The following PCDHGA6 variants were observed in gnomAD, a reference collection of about 807,000 sequenced individuals.
The protein encoded by PCDHGA6 is protocadherin gamma-A6.
In PCDHGA6, 41 loss-of-function variants were observed where a neutral mutation model predicts 60.6. The ratio of observed to expected loss-of-function variants is 0.68; its 90% CI spans 0.53 to 0.88. PCDHGA6 has a LOEUF of 0.88. Among genes scored for constraint, PCDHGA6 ranks in the 40% least tolerant of loss-of-function variants. PCDHGA6 has a pLI of 0.00. For synonymous variants in PCDHGA6, 594 were observed against 524.4 expected, an observed-to-expected ratio of 1.13 and a Z score of -1.81; for missense variants, 1,312 against 1,203.0, an observed-to-expected ratio of 1.09 and a Z score of -1.34.
At chr5:141,388,376 C>T in intron 1 of PCDHGA6, 3 of 1,613,944 alleles carry the variant, frequency 1.9e-6, no homozygotes, top group Non-Finnish European at 2.5e-6. Context: ...ATATTGGTAG[C>T]AACACACTGC....
intron 1 of PCDHGA6, chr5:141,389,283 GC>G (rs775524674): frequency 6.2e-7 from 1 of 1,614,022 alleles, no homozygotes; most frequent in South Asian, 1.1e-5. Context: ...CCCGCCTGGA[GC>G]CTCTATTTCA....
At chr5:141,409,972 G>A in intron 1 of PCDHGA6, 1 of 1,613,374 alleles carries the variant, frequency 6.2e-7, no homozygotes, top group South Asian at 1.1e-5. Context: ...TAGTGACTAA[G>A]GTGGTAGCGG....
At chr5:141,478,467 G>T (rs2099457769) in intron 1 of PCDHGA6, 1 of 1,613,656 alleles carries the variant, frequency 6.2e-7, no homozygotes, top group South Asian at 1.1e-5. Flanking sequence ...CCACTGGCCA[G>T]CCGCCAGAAC....
In PCDHGA6 at chr5:141,511,131, C is replaced by T; in HGVS notation, c.2757C>T (p.Gly919=). ...GGGATGGCAAGGCCCCAGCAGGTGG[C>T]AATGGCAACAAGAAGAAGTCGGGCA... is the stretch of plus-strand genomic sequence containing the variant. ...GKRDGKAPAG[G]NGNKKKSGKK... is the part of the protein sequence containing the mutation. The change falls in exon 4 of 4, where the codon GGC becomes GGT. Residue 919 remains glycine (G), a synonymous_variant. Coordinates refer to ENST00000517434, the MANE Select transcript of PCDHGA6 (RefSeq NM_018919.3). 2 of 1,614,202 alleles carry T rather than the reference C, an allele frequency of 1.2e-6. No homozygotes were observed. Among genetic ancestry groups the T allele is most frequent in the Non-Finnish European group, 1.7e-6 (2 of 1,180,020 alleles).
At chr5:141,430,873 G>T in intron 1 of PCDHGA6, 5 of 1,598,960 alleles carry the variant, frequency 3.1e-6, no homozygotes, top group Non-Finnish European at 4.3e-6. Flanking sequence ...TTCCGGAAGA[G>T]CTGGAGAAAG....
At chr5:141,501,600 C>G (rs1320824291) in intron 2 of PCDHGA6, among the ~76,000 whole-genome samples, 1 of 152,040 alleles carries the variant, frequency 6.6e-6, no homozygotes, top group Admixed American at 6.6e-5. Flanking sequence ...TCTACCAGTT[C>G]CAGCTGTGTG....
At chr5:141,479,186 T>A (rs956575218) in intron 1 of PCDHGA6, 1 of 152,590 alleles carries the variant, frequency 6.6e-6, no homozygotes, top group Non-Finnish European at 1.5e-5. Flanking sequence ...GCTAGAAAAT[T>A]CAGAAAATAC....
rs377701820 is a variant in PCDHGA6 at position 141,422,031 on chromosome 5, G to A, written c.2424+45524G>A. On this transcript the variant is annotated intron_variant, in intron 1 of 3. Coordinates refer to ENST00000517434, the MANE Select transcript of PCDHGA6 (RefSeq NM_018919.3). ...CTCGGGTGCTGATGGTTAATGCAAC[G>A]GATCCAGACGAGGGAATCAACGGGG... 127 of 1,610,494 alleles carry A rather than the reference G, an allele frequency of 7.9e-5. No individual in the cohort carries two copies. In the East Asian group the frequency reaches 2.4e-3, roughly 31 times the overall value.
At chr5:141,496,928 G>A (rs2099772685) in intron 2 of PCDHGA6, among the ~76,000 whole-genome samples, 1 of 151,334 alleles carries the variant, frequency 6.6e-6, no homozygotes, top group Non-Finnish European at 1.5e-5. Context: ...GTTCACGCCT[G>A]TAATCCCAGC....
intron 1 of PCDHGA6, chr5:141,404,379 C>T (rs548569433): frequency 6.2e-7 from 1 of 1,613,940 alleles, no homozygotes; most frequent in African/African-American, 1.3e-5. Flanking sequence ...TCCGTGATTG[C>T]CTATGACCCT....
At chr5:141,398,242 G>A (rs768096349) in intron 1 of PCDHGA6, 11 of 1,476,422 alleles carry the variant, frequency 7.5e-6, no homozygotes, top group Admixed American at 6.1e-5. Context: ...CAGGATTCCC[G>A]AGGAAATGCC....
intron 1 of PCDHGA6, chr5:141,385,207 T>G: frequency 6.2e-7 from 1 of 1,614,226 alleles, no homozygotes; most frequent in Non-Finnish European, 8.5e-7. Flanking sequence ...TCACCTGATC[T>G]TCCCCCAGCC....
chr5:141,423,895 G>T, intron 1 of PCDHGA6: 1 of 1,277,758 alleles, frequency 7.8e-7, no homozygotes, highest in Non-Finnish European at 9.9e-7. Flanking sequence ...ATTTTCTTTT[G>T]ATTTCAAAGG....
chr5:141,400,194 G>T (rs2093978875), intron 1 of PCDHGA6: 2 of 1,614,034 alleles, frequency 1.2e-6, no homozygotes, highest in Non-Finnish European at 1.7e-6. Flanking sequence ...TTTACCTAGT[G>T]GTGGCCTTGG....
At position 141,382,966 on chromosome 5, in the gene PCDHGA6, C is replaced by A. The variant is rs36077896; in HGVS notation, c.2424+6459C>A. ...CCTGCTCTCCATCCTCCTGGGGACC[C>A]CCTGGGAAGCCTGGGCAGGACGTAT... On this transcript the variant is annotated intron_variant, in intron 1 of 3. Coordinates refer to ENST00000517434, the MANE Select transcript of PCDHGA6 (RefSeq NM_018919.3). 1,675 of 1,609,050 alleles carry A rather than the reference C, an allele frequency of 1.0e-3. 6 individuals are homozygous for A. Among genetic ancestry groups the A allele is most frequent in the Middle Eastern group, 5.5e-3 (33 of 6,044 alleles).
Position 141,376,312 on chromosome 5 carries a change from G to A in PCDHGA6, c.2229G>A (p.Val743=), listed in dbSNP as rs984837472. 6.2e-7 allele frequency: 1 copy of A among 1,614,060 alleles called. No homozygotes were observed. Among genetic ancestry groups the A allele is most frequent in the African/African-American group, 1.3e-5 (1 of 74,926 alleles). Residue 743 remains valine (V), a synonymous_variant, in exon 1 of 4, where the codon GTG becomes GTA. Transcript: ENST00000517434. ...TGCCCGGCTCGCACTTTGTGGGCGTGGAAGGGGTTCGGGCTTTCCTGCAGA... is the reference window on the plus strand; with the variant it reads ...TGCCCGGCTCGCACTTTGTGGGCGTAGAAGGGGTTCGGGCTTTCCTGCAGA... The part of the protein sequence containing the change: ...ASMPGSHFVG[V]EGVRAFLQTY...
chr5:141,493,338 A>G lies in PCDHGA6; in HGVS notation c.2425-1469A>G, dbSNP rs773870729. Among the ~76,000 whole-genome samples the G allele has an allele frequency of 6.6e-6, 1 of 152,162 alleles. No individual in the cohort carries two copies. The highest frequency in any genetic ancestry group is 1.5e-5 in the Non-Finnish European group (1 of 68,028). On this transcript the variant is annotated intron_variant, in intron 1 of 3. Transcript: ENST00000517434. This position sits in a 1 kb window ranked among gnomAD's most constrained non-coding sequence, Gnocchi z 4.3. ...GATTCTAACCCCTGTCTAACTCCAG[A>G]ATGTGTGCTTTTAATTTCTTGGCAC...
chr5:141,437,408 G>A (rs1591455458), intron 1 of PCDHGA6, among the ~76,000 whole-genome samples: 1 of 152,200 alleles, frequency 6.6e-6, no homozygotes, highest in Non-Finnish European at 1.5e-5. Flanking sequence ...CATTCCAGAA[G>A]TATTATGCTT....
chr5:141,462,262 A>G (rs2099035971), intron 1 of PCDHGA6, among the ~76,000 whole-genome samples: 1 of 152,192 alleles, frequency 6.6e-6, no homozygotes, highest in African/African-American at 2.4e-5. Flanking sequence ...GACCAGCCTA[A>G]AGTGTATTGT....
Sources: gnomAD v4.1 joint callset for allele counts (sites outside exome capture counted in the v4.1 genomes callset) on GRCh38, gnomAD v4.1.1 for gene constraint, Gnocchi (gnomAD v3.1) non-coding constraint, MANE v1.5 for transcripts, NCBI Gene and HGNC (gene_info 2026-07-23, HGNC 2026-07-21) for gene names.